Variants in GRM7 observed in about 807,000 individuals in gnomAD.
The protein encoded by GRM7 is glutamate metabotropic receptor 7.
Under a neutral mutation model 84.5 loss-of-function variants are expected in GRM7, and 35 were observed. That is an observed-to-expected ratio of 0.41 (90% confidence interval 0.32 to 0.55). The LOEUF (loss-of-function observed/expected upper bound fraction) is 0.55. Among genes scored for constraint, GRM7 ranks in the 20% least tolerant of loss-of-function variants. The pLI is 0.19. For missense variants in GRM7, 1,003 were observed against 1,194.6 expected (o/e 0.84, Z 2.36); for synonymous variants, 487 against 455.1 (o/e 1.07, Z -0.89).
At chr3:6,873,247 A>G (rs143080223) in intron 1 of GRM7, among the ~76,000 whole-genome samples, 2 of 152,048 alleles carry the variant, frequency 1.3e-5, no homozygotes, top group Non-Finnish European at 2.9e-5. Flanking sequence ...AATTTTTTGT[A>G]TTTTTAGTGG....
At chr3:7,123,785 A>G (rs994368442) in intron 1 of GRM7, among the ~76,000 whole-genome samples, 14 of 152,188 alleles carry the variant, frequency 9.2e-5, no homozygotes, top group African/African-American at 3.4e-4. Flanking sequence ...TAAAAGAACA[A>G]TATAAATATG....
intron 1 of GRM7, among the ~76,000 whole-genome samples, chr3:7,024,605 A>G (rs1008321293): frequency 2.0e-5 from 3 of 152,192 alleles, no homozygotes; most frequent in African/African-American, 7.2e-5. Flanking sequence ...AGGCATGGAG[A>G]TGCCGAGTGT....
At chr3:7,197,226 C>T (rs371170623) in intron 2 of GRM7, among the ~76,000 whole-genome samples, 1 of 152,126 alleles carries the variant, frequency 6.6e-6, no homozygotes, top group Non-Finnish European at 1.5e-5. Flanking sequence ...TGCTTAAGAC[C>T]GAATTCCCAA....
chr3:7,145,620 A>AT (rs925069523), intron 1 of GRM7, among the ~76,000 whole-genome samples: 31 of 152,132 alleles, frequency 2.0e-4, no homozygotes, highest in African/African-American at 6.0e-4. Context: ...AGATAATGTG[A>AT]TTTTTTTTCA....
intron 2 of GRM7, among the ~76,000 whole-genome samples, chr3:7,216,249 A>T (rs978275478): frequency 6.6e-6 from 1 of 152,176 alleles, no homozygotes; most frequent in South Asian, 2.1e-4. Flanking sequence ...AAAGCAAAAT[A>T]TGTAAATGTC....
At chr3:7,248,426 A>T (rs1272516946) in intron 2 of GRM7, among the ~76,000 whole-genome samples, 1 of 152,118 alleles carries the variant, frequency 6.6e-6, no homozygotes, top group Non-Finnish European at 1.5e-5. Context: ...GCTAATATGT[A>T]TGAGGAGTAT....
At chr3:7,031,574 G>A (rs564509829) in intron 1 of GRM7, among the ~76,000 whole-genome samples, 4 of 151,600 alleles carry the variant, frequency 2.6e-5, no homozygotes, top group South Asian at 2.1e-4. Context: ...CCGCCACCAC[G>A]CCCAGCTAAT....
At chr3:7,308,571 CA>C (rs1462207883) in intron 4 of GRM7, among the ~76,000 whole-genome samples, 3 of 152,124 alleles carry the variant, frequency 2.0e-5, no homozygotes. Context: ...AGTTGCATTG[CA>C]AAGGGTCTTG....
intron 2 of GRM7, among the ~76,000 whole-genome samples, chr3:7,174,294 G>T (rs764576079): frequency 4.6e-5 from 7 of 152,146 alleles, no homozygotes; most frequent in Non-Finnish European, 1.0e-4. Context: ...AAACTGGAGA[G>T]CCTAGAGTGA....
intron 8 of GRM7, among the ~76,000 whole-genome samples, chr3:7,593,814 T>G (rs1197518853): frequency 6.6e-6 from 1 of 152,060 alleles, no homozygotes; most frequent in Admixed American, 6.6e-5. Context: ...GAACGACCAC[T>G]TGGACTGTTG....
chr3:7,116,973 A>C (rs955295588), intron 1 of GRM7, among the ~76,000 whole-genome samples: 2 of 152,168 alleles, frequency 1.3e-5, no homozygotes, highest in Non-Finnish European at 2.9e-5. Context: ...TTAGGGAATA[A>C]AATTTTGACT....
chr3:7,567,004 A>G lies in GRM7; in HGVS notation c.1516-11418A>G, dbSNP rs529126103. Among the ~76,000 whole-genome samples, 11 of 152,326 alleles carry G rather than the reference A, an allele frequency of 7.2e-5. No individual in the cohort carries two copies. The East Asian group carries it at 2.1e-3, about 29-fold the overall frequency. On this transcript the variant is annotated intron_variant, in intron 7 of 9. Coordinates refer to ENST00000357716, the MANE Select transcript of GRM7 (RefSeq NM_000844.4). The stretch of plus-strand genomic sequence containing the variant: ...GGATAATGCAAGCATTAAAATAGTA[A>G]ATACAGGTCATTTAGGGAGAACTAC...
At chr3:7,132,059 G>A (rs1014894094) in intron 1 of GRM7, among the ~76,000 whole-genome samples, 1 of 152,076 alleles carries the variant, frequency 6.6e-6, no homozygotes. Flanking sequence ...AAGGAAATCT[G>A]CCTCCTCTCT....
At chr3:7,296,210 AAATT>A (rs1309617403) in intron 2 of GRM7, among the ~76,000 whole-genome samples, 1 of 152,110 alleles carries the variant, frequency 6.6e-6, no homozygotes, top group Non-Finnish European at 1.5e-5. Context: ...TTCAAATAAT[AAATT>A]AGCCTTTTGT....
chr3:7,345,832 C>CAAAA (rs141494248), intron 4 of GRM7, among the ~76,000 whole-genome samples: 161 of 148,438 alleles, frequency 1.1e-3, no homozygotes, highest in East Asian at 4.4e-3. Flanking sequence ...CAAAGAGCCT[C>CAAAA]AAAAAAAAAA....
intron 4 of GRM7, among the ~76,000 whole-genome samples, chr3:7,309,601 T>A (rs1396965554): frequency 1.3e-5 from 2 of 152,102 alleles, no homozygotes; most frequent in Admixed American, 6.6e-5. Flanking sequence ...TCAGCAAACA[T>A]CTGGATTTTC....
chr3:7,227,247 A>C (rs929472691), intron 2 of GRM7, among the ~76,000 whole-genome samples: 1 of 152,236 alleles, frequency 6.6e-6, no homozygotes, highest in African/African-American at 2.4e-5. Context: ...ATATGAATCA[A>C]TGGCAAATTG....
chr3:6,948,890 G>T (rs1007141339), intron 1 of GRM7, among the ~76,000 whole-genome samples: 2 of 151,860 alleles, frequency 1.3e-5, no homozygotes, highest in African/African-American at 2.4e-5. Context: ...CTGCCTTTTT[G>T]TGTTTTCCAT....
At chr3:7,567,606 G>T (rs959688047) in intron 7 of GRM7, among the ~76,000 whole-genome samples, 1 of 151,774 alleles carries the variant, frequency 6.6e-6, no homozygotes, top group African/African-American at 2.4e-5. Flanking sequence ...AATTAGCTGG[G>T]CATGATGGAG....
Sources: allele counts gnomAD v4.1 joint callset (sites outside exome capture counted in the v4.1 genomes callset), GRCh38; gene constraint gnomAD v4.1.1; transcripts MANE v1.5; gene names NCBI Gene and HGNC (gene_info 2026-07-23, HGNC 2026-07-21).